TUBGCP5: variants seen among roughly 807,000 people sequenced by gnomAD.
The protein encoded by TUBGCP5 is gamma-tubulin complex component 5.
A neutral mutation model predicts 134.7 loss-of-function variants in TUBGCP5; 98 were observed. The observed-to-expected ratio is 0.73, with a 90% confidence interval of 0.62 to 0.86. The LOEUF (loss-of-function observed/expected upper bound fraction) is 0.86. Among genes scored for constraint, TUBGCP5 ranks in the 40% least tolerant of loss-of-function variants. The pLI, the probability that TUBGCP5 is intolerant of heterozygous loss-of-function variation, is 0.00. For synonymous variants in TUBGCP5, 456 were observed against 431.4 expected (o/e 1.06, Z -0.71); for missense variants, 1,150 against 1,244.8 (o/e 0.92, Z 1.15).
intron 23 of TUBGCP5, among the ~76,000 whole-genome samples, chr15:22,986,039 C>G (rs2063667554): frequency 6.7e-6 from 1 of 149,078 alleles, no homozygotes; most frequent in Non-Finnish European, 1.5e-5. Context: ...GAGGCTGAGA[C>G]AGGAGAATGG....
At position 23,032,034 on chromosome 15, in the gene TUBGCP5, A is replaced by T; in HGVS notation, c.407-5T>A. Reference sequence around the variant, plus strand: ...AGTCGAAATCATCTTTCTTTTCTAAAATGTAACAGAAGAACTTCATTGGCT... The same window carrying T: ...AGTCGAAATCATCTTTCTTTTCTAATATGTAACAGAAGAACTTCATTGGCT... On this transcript the variant is annotated splice_polypyrimidine_tract_variant and splice_region_variant and intron_variant, in intron 4 of 22. Coordinates refer to ENST00000615383, the MANE Select transcript of TUBGCP5 (RefSeq NM_052903.6). 1 of 1,607,068 alleles carries T rather than the reference A, an allele frequency of 6.2e-7. No individual in the cohort carries two copies. Among genetic ancestry groups the T allele is most frequent in the Non-Finnish European group, 8.5e-7 (1 of 1,175,096 alleles).
chr15:23,003,052 A>G lies in TUBGCP5; in HGVS notation c.2927+13T>C. ...TGGTCACAGTGCAGATGCTGCAGAA[A>G]TCACATACTTACCGCCAAGTGCCCA... On this transcript the variant is annotated intron_variant, in intron 21 of 22. Coordinates refer to ENST00000615383, the MANE Select transcript of TUBGCP5 (RefSeq NM_052903.6). 6.2e-7 allele frequency: 1 copy of G among 1,613,918 alleles called. No individual in the cohort carries two copies. The highest frequency in any genetic ancestry group is 8.5e-7 in the Non-Finnish European group (1 of 1,179,798).
Position 23,022,449 on chromosome 15 carries a change from T to C in TUBGCP5, c.1169-288A>G, listed in dbSNP as rs1003575103. ...ACAGAAAGTCACTTGACCTTACTTA[T>C]AATAAAAGAACGCAAATTAAAATTA... is the stretch of plus-strand genomic sequence containing the variant. On this transcript the variant is annotated intron_variant, in intron 10 of 22. Coordinates refer to ENST00000615383, the MANE Select transcript of TUBGCP5 (RefSeq NM_052903.6). Among the ~76,000 whole-genome samples, 3 of 152,188 alleles carry C rather than the reference T, an allele frequency of 2.0e-5. No individual in the cohort carries two copies. The South Asian group carries it at 6.2e-4, about 31-fold the overall frequency.
chr15:23,025,987 G>A (rs1007473973), intron 8 of TUBGCP5, 129 bp downstream of exon 8: 7 of 647,314 alleles, frequency 1.1e-5, no homozygotes, highest in African/African-American at 9.5e-5. Context: ...AATCTGGTCC[G>A]AACTTCACAC....
chr15:23,017,961 T>C lies in TUBGCP5; in HGVS notation c.1568A>G (p.Asn523Ser). ...AGCGTTATCACTCATTTTTTCTTCATTTTCTGTCTTTTCTGATACGCTATA... is the reference window on the plus strand; with the variant it reads ...AGCGTTATCACTCATTTTTTCTTCACTTTCTGTCTTTTCTGATACGCTATA... ...TLYSVSEKTE[N>S]EEKMSDNASA... The change falls in exon 13 of 23, where the codon AAT (asparagine) becomes AGT (serine). Residue 523 changes from asparagine to serine, a missense_variant. Around this residue, in one of 2 missense-constraint regions of TUBGCP5, gnomAD observed 697 missense variants for 850.1 expected, o/e 0.82. Coordinates refer to ENST00000615383, the MANE Select transcript of TUBGCP5 (RefSeq NM_052903.6). The C allele has an allele frequency of 6.2e-7, 1 of 1,614,188 alleles. No homozygotes were observed.
At chr15:23,007,978 A>C (rs1479282271) in intron 16 of TUBGCP5, among the ~76,000 whole-genome samples, 1 of 152,138 alleles carries the variant, frequency 6.6e-6, no homozygotes, top group African/African-American at 2.4e-5. Flanking sequence ...CAGGACTGAA[A>C]AACCTCATGT....
intron 23 of TUBGCP5, among the ~76,000 whole-genome samples, chr15:22,994,057 T>C (rs1315866251): frequency 1.3e-5 from 2 of 151,986 alleles, no homozygotes; most frequent in Non-Finnish European, 2.9e-5. Context: ...ATTAAGGGTG[T>C]GTCTCACAGA....
rs867917429 is a variant in TUBGCP5, at chr15:23,003,634, T to A, written c.2838+468A>T. ...ACGAATAGGGCACTCCTCCTTCTGT[T>A]TTTTTTTTTTTTTTTTTTTTTTTTT... On this transcript the variant is annotated intron_variant, in intron 20 of 22. Transcript: ENST00000615383. Among the ~76,000 whole-genome samples, 27 of 49,218 alleles carry A rather than the reference T, an allele frequency of 5.5e-4. 1 individual carries two copies. In the South Asian group the frequency reaches 0.019, roughly 34 times the overall value. 32.3% of individuals were successfully genotyped at this position (49,218 alleles called of 152,430 possible). A position where few individuals can be genotyped will look rare whatever the true frequency, so the allele number is the denominator to read the frequency against.
chr15:23,020,584 C>CAAAAAAAAAAAAAAAAAAAAAAAAAAA (rs542905350), intron 11 of TUBGCP5, among the ~76,000 whole-genome samples: 2 of 76,242 alleles, frequency 2.6e-5, no homozygotes, highest in Non-Finnish European at 4.9e-5. Flanking sequence ...GACTACGTCT[C>CAAAAAAAAAAAAAAAAAAAAAAAAAAA]AAAAAAAAAA....
chr15:22,989,233 C>T (rs1350475928), intron 23 of TUBGCP5, among the ~76,000 whole-genome samples: 1 of 152,208 alleles, frequency 6.6e-6, no homozygotes, highest in Admixed American at 6.5e-5. Flanking sequence ...AGGAAGCAGA[C>T]AGCTTTGGGG....
chr15:23,037,071 G>C (rs774561503), intron 2 of TUBGCP5, 28 bp downstream of exon 2: 2 of 1,605,482 alleles, frequency 1.2e-6, no homozygotes, highest in Admixed American at 1.7e-5. Flanking sequence ...ATATATTTCT[G>C]GATGCGTATA....
chr15:23,032,461 GTAT>G (rs1446065255), intron 4 of TUBGCP5, among the ~76,000 whole-genome samples: 1 of 152,032 alleles, frequency 6.6e-6, no homozygotes, highest in African/African-American at 2.4e-5. Flanking sequence ...TTAAAAGATT[GTAT>G]TATTTTAGAC....
At chr15:23,036,816 A>T in intron 3 of TUBGCP5, 81 bp downstream of exon 3, 1 of 996,948 alleles carries the variant, frequency 1.0e-6, no homozygotes, top group South Asian at 1.5e-5. Flanking sequence ...AGAATGTTTA[A>T]ACAGTAACTG....
chr15:22,984,881 ATTGAT>A (rs2063635119), intron 23 of TUBGCP5, among the ~76,000 whole-genome samples: 1 of 152,204 alleles, frequency 6.6e-6, no homozygotes, highest in African/African-American at 2.4e-5. Context: ...AAAATGATAA[ATTGAT>A]TTGATCGAAA....
chr15:23,009,766 T>C (rs973038794), intron 15 of TUBGCP5, among the ~76,000 whole-genome samples, 179 bp downstream of exon 15: 3 of 152,194 alleles, frequency 2.0e-5, no homozygotes, highest in African/African-American at 7.2e-5. Flanking sequence ...AAATAAAGAA[T>C]TAAGTTTCAA....
intron 16 of TUBGCP5, among the ~76,000 whole-genome samples, chr15:23,007,472 C>G (rs1360673911): frequency 6.6e-6 from 1 of 152,156 alleles, no homozygotes; most frequent in Non-Finnish European, 1.5e-5. Flanking sequence ...AATACTAATA[C>G]TAAGTTAGGT....
At chr15:23,012,898 C>G (rs2065117677) in intron 13 of TUBGCP5, among the ~76,000 whole-genome samples, 1 of 152,004 alleles carries the variant, frequency 6.6e-6, no homozygotes, top group Non-Finnish European at 1.5e-5. Context: ...GTCAGGAGTT[C>G]AAGACCAGCT....
In TUBGCP5 at chr15:23,008,704, A is replaced by C; in HGVS notation, c.2322T>G (p.Ser774Arg). The C allele has an allele frequency of 6.2e-7, 1 of 1,606,874 alleles. No homozygotes were observed. The highest frequency in any genetic ancestry group is 8.5e-7 in the Non-Finnish European group (1 of 1,178,404). ...EAVGQRYPED[S>R]SRLSISFENV... ...AGGTGGCGTCCATATTTTACCGTGAACTATCTTCAGGATAACGCTGTCCTA... is the reference window on the plus strand; with the variant it reads ...AGGTGGCGTCCATATTTTACCGTGACCTATCTTCAGGATAACGCTGTCCTA... Residue 774 changes from serine to arginine, a missense_variant, in exon 16 of 23, where the codon AGT becomes AGG. By Grantham distance (110) the Ser-to-Arg change is moderately radical. Transcript: ENST00000615383.
rs1376275395 is a variant in TUBGCP5 at position 23,006,152 on chromosome 15, A to G, written c.2433T>C (p.Ile811=). 2 of 1,610,304 alleles carry G rather than the reference A, an allele frequency of 1.2e-6. No individual in the cohort carries two copies. The highest frequency in any genetic ancestry group is 1.7e-6 in the Non-Finnish European group (2 of 1,179,332). Residue 811 remains isoleucine, a synonymous_variant, in exon 18 of 23, where the codon ATT becomes ATC. Transcript: ENST00000615383. ...LSYKVPWPVD[I]VISLECQKIY... ...TTTTTTGACATTCCAAACTTATAAC[A>G]ATGTCCACGGGCCATGGGACCTATG... is the stretch of plus-strand genomic sequence containing the variant.
Sources: allele counts gnomAD v4.1 joint callset (sites outside exome capture counted in the v4.1 genomes callset), GRCh38; gene constraint gnomAD v4.1.1; regional missense constraint gnomAD v4.1.1; transcripts MANE v1.5; gene names NCBI Gene and HGNC (gene_info 2026-07-23, HGNC 2026-07-21).